CDH19: variants seen among roughly 807,000 people sequenced by gnomAD.
CDH19 encodes the protein cadherin 19, also known as cadherin-19.
CDH19 carries 67 observed loss-of-function variants against 64.2 expected under a neutral mutation model. The ratio of observed to expected loss-of-function variants is 1.04; its 90% CI spans 0.86 to 1.28. The LOEUF (loss-of-function observed/expected upper bound fraction) is 1.28, where lower values mean the gene tolerates loss of function less well. Ranked by LOEUF, CDH19 falls within the 50% of genes most tolerant of loss-of-function variation. The pLI, the probability that CDH19 is intolerant of heterozygous loss-of-function variation, is 0.00. For synonymous variants in CDH19, 346 were observed against 319.3 expected (o/e 1.08, Z -0.89); for missense variants, 1,030 against 929.0 (o/e 1.11, Z -1.41).
chr18:66,547,339 TGTGC>T (rs1176374003), intron 5 of CDH19, among the ~76,000 whole-genome samples: 1 of 152,112 alleles, frequency 6.6e-6, no homozygotes, highest in Non-Finnish European at 1.5e-5. Context: ...TGTATGTGTG[TGTGC>T]GTATGTATAT....
intron 7 of CDH19, 72 bp downstream of exon 7, chr18:66,543,899 G>A (rs552865423): frequency 1.8e-4 from 208 of 1,129,136 alleles, no homozygotes; most frequent in Non-Finnish European, 2.3e-4. Flanking sequence ...AAAAAAGATT[G>A]CATGCAATTT....
chr18:66,595,027 A>T (rs572774593), intron 1 of CDH19, among the ~76,000 whole-genome samples: 121 of 68,366 alleles, frequency 1.8e-3, no homozygotes, highest in African/African-American at 3.6e-3. Context: ...AAATTAAATT[A>T]AAAAAAAAAG....
chr18:66,537,191 T>C (rs1329075133), intron 7 of CDH19, among the ~76,000 whole-genome samples: 1 of 151,996 alleles, frequency 6.6e-6, no homozygotes, highest in Non-Finnish European at 1.5e-5. Flanking sequence ...ATTCTTCTTT[T>C]ACAATCCAAT....
intron 3 of CDH19, among the ~76,000 whole-genome samples, chr18:66,562,923 T>C (rs1987775060): frequency 1.3e-5 from 2 of 152,076 alleles, no homozygotes; most frequent in Non-Finnish European, 2.9e-5. Flanking sequence ...AAAGGTAGTG[T>C]AACTCTGTCT....
chr18:66,590,077 C>A (rs1028680125), intron 1 of CDH19, among the ~76,000 whole-genome samples: 4 of 151,824 alleles, frequency 2.6e-5, no homozygotes, highest in Non-Finnish European at 5.9e-5. Context: ...TTAGTTTGAT[C>A]CCTCAATTTC....
At chr18:66,572,463 A>G (rs1988137758) in intron 1 of CDH19, 147 bp from the exon 2 acceptor site, 1 of 308,944 alleles carries the variant, frequency 3.2e-6, no homozygotes, top group Admixed American at 4.5e-5. Flanking sequence ...CTGGCTAATT[A>G]TGATTTGTAG....
chr18:66,567,195 A>G (rs1357813460), intron 3 of CDH19, among the ~76,000 whole-genome samples: 1 of 151,862 alleles, frequency 6.6e-6, no homozygotes. Flanking sequence ...AATTTTATCT[A>G]TAGTTTCAAA....
intron 11 of CDH19, among the ~76,000 whole-genome samples, chr18:66,506,679 G>C (rs1442036774): frequency 6.6e-6 from 1 of 151,040 alleles, no homozygotes; most frequent in African/African-American, 2.4e-5. Context: ...GTGTGTGTCT[G>C]TGTGTGTGTG....
In CDH19 at chr18:66,529,969, G is replaced by T. The variant is rs1194806729; in HGVS notation, c.1337-3C>A. On this transcript the variant is annotated splice_region_variant and splice_polypyrimidine_tract_variant and intron_variant, in intron 8 of 11. Transcript: ENST00000262150. ...CGAAGAGATCTGTTCTATATTGTCT[G>T]CAATTTGAATATATATAATAAAAAT... 2.1e-6 allele frequency: 3 copies of T among 1,449,508 alleles called. No homozygotes were observed. The highest frequency in any genetic ancestry group is 1.9e-6 in the Non-Finnish European group (2 of 1,068,934). The allele number at this position is 1,449,508 out of a possible 1,614,324, so 89.8% of individuals were successfully genotyped here.
chr18:66,515,018 T>C (rs1480437753), intron 9 of CDH19, among the ~76,000 whole-genome samples: 1 of 151,728 alleles, frequency 6.6e-6, no homozygotes, highest in East Asian at 1.9e-4. Flanking sequence ...TTATAAACTA[T>C]AGATTGAATC....
intron 1 of CDH19, among the ~76,000 whole-genome samples, chr18:66,573,616 T>C (rs1988174421): frequency 8.0e-6 from 1 of 125,268 alleles, no homozygotes; most frequent in Admixed American, 8.0e-5. Context: ...GGTACAATAT[T>C]ATTCATGAAA....
At chr18:66,524,542 G>GTATATATA (rs72219868) in intron 9 of CDH19, among the ~76,000 whole-genome samples, 2,265 of 94,424 alleles carry the variant, frequency 0.024, 61 homozygotes, top group African/African-American at 0.055. Context: ...ATGTTTGTGT[G>GTATATATA]TATATATATA....
At chr18:66,565,663 T>G (rs374301691) in intron 3 of CDH19, among the ~76,000 whole-genome samples, 1 of 152,010 alleles carries the variant, frequency 6.6e-6, no homozygotes, top group African/African-American at 2.4e-5. Context: ...AAATCACATA[T>G]AATTTTATTA....
chr18:66,514,173 G>A (rs537501931), intron 9 of CDH19, among the ~76,000 whole-genome samples: 13 of 151,528 alleles, frequency 8.6e-5, no homozygotes, highest in Non-Finnish European at 1.5e-4. Flanking sequence ...TAGAATGTAA[G>A]CTGATGTCAT....
intron 1 of CDH19, among the ~76,000 whole-genome samples, chr18:66,584,818 G>A (rs1170327008): frequency 6.6e-6 from 1 of 152,008 alleles, no homozygotes; most frequent in South Asian, 2.1e-4. Flanking sequence ...TTTCTAAAAT[G>A]TGTTTTTTCT....
At chr18:66,576,915 C>T (rs1988283145) in intron 1 of CDH19, among the ~76,000 whole-genome samples, 1 of 151,562 alleles carries the variant, frequency 6.6e-6, no homozygotes, top group Non-Finnish European at 1.5e-5. Flanking sequence ...TTTCTATTTA[C>T]TAGCAACGCA....
chr18:66,505,115 T>G lies in CDH19; in HGVS notation c.2016A>C (p.Lys672Asn), dbSNP rs1985124463. The G allele has an allele frequency of 6.2e-7, 1 of 1,613,458 alleles. No homozygotes were observed. Among genetic ancestry groups the G allele is most frequent in the Admixed American group, 1.7e-5 (1 of 59,900 alleles). ...STIMRERKTRKTTSAEIRSLY... is the reference protein window; with the variant it reads ...STIMRERKTRNTTSAEIRSLY... ...GGCTCCTGATCTCAGCGCTTGTGGT[T>G]TTCCGAGTCTTGCGTTCCCGCATTA... The change falls in exon 12 of 12, where the codon AAA becomes AAC. Residue 672 changes from lysine (K) to asparagine (N), a missense_variant. Physicochemically the swap from Lys to Asn is moderately conservative, Grantham distance 94 (BLOSUM62 0). Coordinates refer to ENST00000262150, the MANE Select transcript of CDH19 (RefSeq NM_021153.4).
intron 1 of CDH19, among the ~76,000 whole-genome samples, chr18:66,572,887 T>C (rs537492220): frequency 6.6e-6 from 1 of 151,720 alleles, no homozygotes; most frequent in Admixed American, 6.6e-5. Context: ...AGATATTTAC[T>C]CTTTTTTAAT....
At chr18:66,571,485 T>C (rs1988101201) in intron 2 of CDH19, among the ~76,000 whole-genome samples, 1 of 151,718 alleles carries the variant, frequency 6.6e-6, no homozygotes, top group Non-Finnish European at 1.5e-5. Context: ...TTTGTCTCAT[T>C]AAGGAATTGT....
Sources: allele counts gnomAD v4.1 joint callset (sites outside exome capture counted in the v4.1 genomes callset), GRCh38; gene constraint gnomAD v4.1.1; transcripts MANE v1.5; gene names NCBI Gene and HGNC (gene_info 2026-07-23, HGNC 2026-07-21).